Variants in PRKCZ observed in about 807,000 individuals in gnomAD.
The protein encoded by PRKCZ is protein kinase C zeta type.
Under a neutral mutation model 79.5 loss-of-function variants are expected in PRKCZ, and 33 were observed. That is an observed-to-expected ratio of 0.41 (90% CI 0.31 to 0.55). The LOEUF is 0.55. PRKCZ is among the 20% of genes least tolerant of loss of function. The probability of loss-of-function intolerance (pLI) is 0.19; values close to 1 mark genes in which losing one functional copy is unlikely to be tolerated. For synonymous variants in PRKCZ, 342 were observed against 320.9 expected (o/e 1.07, Z -0.70); for missense variants, 578 against 813.5 (o/e 0.71, Z 3.52).
At chr1:2,117,051 G>A (rs1670886619) in intron 4 of PRKCZ, among the ~76,000 whole-genome samples, 2 of 152,020 alleles carry the variant, frequency 1.3e-5, no homozygotes, top group African/African-American at 4.8e-5. Flanking sequence ...CTGGGCTCAA[G>A]CAATCCTCCC....
rs1222379119 is a variant in PRKCZ at position 2,168,093 on chromosome 1, T to A, written c.975-1425T>A. 6.6e-6 allele frequency among the ~76,000 whole-genome samples: 1 copy of A among 152,142 alleles called. No individual in the cohort carries two copies. The highest frequency in any genetic ancestry group is 1.9e-4 in the East Asian group (1 of 5,196). On this transcript the variant is annotated intron_variant, in intron 10 of 17. Transcript: ENST00000378567. This position sits in a 1 kb window ranked among gnomAD's most constrained non-coding sequence, Gnocchi z 4.7. The stretch of plus-strand genomic sequence containing the variant: ...TCGAGGGCACCCTCAGAGCTGCTCT[T>A]TCTGTCATTGCTATTTTGTTTATAC...
At chr1:2,074,370 C>T (rs1662001251) in intron 4 of PRKCZ, 1 of 1,505,426 alleles carries the variant, frequency 6.6e-7, no homozygotes, top group Admixed American at 2.0e-5. Flanking sequence ...GTCTGCCTGC[C>T]TGGCCCCAGG....
intron 15 of PRKCZ, 122 bp from the exon 16 acceptor site, chr1:2,175,102 C>T (rs746479775): frequency 5.9e-6 from 5 of 849,080 alleles, no homozygotes; most frequent in Non-Finnish European, 9.4e-6. Context: ...ATCTGATTTC[C>T]ACCACCTGGG....
intron 4 of PRKCZ, among the ~76,000 whole-genome samples, chr1:2,113,192 C>T (rs12049075): frequency 2.6e-5 from 4 of 152,342 alleles, no homozygotes; most frequent in South Asian, 2.1e-4. Flanking sequence ...TTCTGACTAG[C>T]GAGTACCTCG....
chr1:2,142,487 C>A, intron 5 of PRKCZ: 1 of 286,082 alleles, frequency 3.5e-6, no homozygotes, highest in South Asian at 2.7e-5. Context: ...AGGGTCCACA[C>A]ATCCAGCAGG....
intron 9 of PRKCZ, 75 bp downstream of exon 9, chr1:2,151,053 A>G: frequency 6.6e-7 from 1 of 1,519,968 alleles, no homozygotes; most frequent in South Asian, 1.2e-5. Context: ...CTTTAGCGGA[A>G]TTAATCCATG....
rs1319383899 is a variant in PRKCZ, at chr1:2,107,999, C to T, written c.335-27263C>T. On this transcript the variant is annotated intron_variant, in intron 4 of 17. Coordinates refer to ENST00000378567, the MANE Select transcript of PRKCZ (RefSeq NM_002744.6). Reference sequence around the variant, plus strand: ...ACAGTGTCAAGGGAGCCCCCCAACCCCGGCAGTGTCAAGGGAGCCTGCCTC... The same window carrying T: ...ACAGTGTCAAGGGAGCCCCCCAACCTCGGCAGTGTCAAGGGAGCCTGCCTC... 4.6e-5 allele frequency among the ~76,000 whole-genome samples: 7 copies of T among 152,250 alleles called. No homozygotes were observed. In the South Asian group the frequency reaches 1.2e-3, roughly 27 times the overall value.
chr1:2,161,394 C>T (rs917653427), intron 10 of PRKCZ, among the ~76,000 whole-genome samples: 11 of 152,236 alleles, frequency 7.2e-5, no homozygotes, highest in Admixed American at 5.9e-4. Context: ...TTTTGCATTG[C>T]GAGGGCGTCC....
chr1:2,094,775 C>T lies in PRKCZ; in HGVS notation c.334+35184C>T, dbSNP rs369576171. 4.6e-5 allele frequency among the ~76,000 whole-genome samples: 7 copies of T among 152,218 alleles called. No homozygotes were observed. Among genetic ancestry groups the T allele is most frequent in the Admixed American group, 2.6e-4 (4 of 15,290 alleles). ...GGCTCGTTGAACCTTGGGCGCTGCC[C>T]GTTCTGAGGCGTCTGCTGTGGCCCT... On this transcript the variant is annotated intron_variant, in intron 4 of 17. Coordinates refer to ENST00000378567, the MANE Select transcript of PRKCZ (RefSeq NM_002744.6). This position sits in a 1 kb window ranked among gnomAD's most constrained non-coding sequence, Gnocchi z 7.3.
At chr1:2,103,803 T>C (rs918374746) in intron 4 of PRKCZ, among the ~76,000 whole-genome samples, 1 of 151,912 alleles carries the variant, frequency 6.6e-6, no homozygotes, top group Admixed American at 6.6e-5. Context: ...GGGTGAGTGC[T>C]GGCCGCTCCC....
At chr1:2,056,097 G>A (rs761824901) in intron 2 of PRKCZ, among the ~76,000 whole-genome samples, 6 of 152,196 alleles carry the variant, frequency 3.9e-5, no homozygotes, top group Non-Finnish European at 5.9e-5. Context: ...CCCCCGTTGG[G>A]TTGGGTACAG....
At chr1:2,087,974 C>T (rs1205004098) in intron 4 of PRKCZ, among the ~76,000 whole-genome samples, 1 of 152,228 alleles carries the variant, frequency 6.6e-6, no homozygotes, top group African/African-American at 2.4e-5. Flanking sequence ...GCTGCTGGTG[C>T]CTGGCGCGTG....
At position 2,145,919 on chromosome 1, in the gene PRKCZ, T is replaced by TA. The variant is rs901590419; in HGVS notation, c.553-100dup. On this transcript the variant is annotated intron_variant, in intron 6 of 17. Transcript: ENST00000378567. ...TGATGACAGACTGTGACCCTGTCTGTAAAAAAAAGTTCTTAATTTTAAAAA... is the reference window on the plus strand; with the variant it reads ...TGATGACAGACTGTGACCCTGTCTGTAAAAAAAAAGTTCTTAATTTTAAAAA... 1.9e-4 allele frequency: 179 copies of TA among 937,514 alleles called. 1 individual carries two copies. The highest frequency in any genetic ancestry group is 3.0e-4 in the African/African-American group (18 of 60,608). 58.1% of individuals were successfully genotyped at this position (937,514 alleles called of 1,614,324 possible).
chr1:2,139,440 A>G (rs111340248), intron 5 of PRKCZ, among the ~76,000 whole-genome samples: 7,564 of 152,062 alleles, frequency 0.05, 586 homozygotes, highest in African/African-American at 0.17. Context: ...ATACAAAAAA[A>G]GTAGCCAGGC....
At chr1:2,124,711 C>A (rs1487492569) in intron 4 of PRKCZ, among the ~76,000 whole-genome samples, 2 of 152,110 alleles carry the variant, frequency 1.3e-5, no homozygotes, top group Non-Finnish European at 2.9e-5. Flanking sequence ...CCTGGTGGCC[C>A]TGAACCCCAG....
intron 4 of PRKCZ, among the ~76,000 whole-genome samples, chr1:2,092,594 G>C (rs1055425024): frequency 3.3e-5 from 5 of 152,196 alleles, no homozygotes; most frequent in African/African-American, 9.6e-5. Context: ...CCGTGGGTTT[G>C]TTTAAGGTAT....
At chr1:2,148,488 C>T (rs969401323) in intron 7 of PRKCZ, among the ~76,000 whole-genome samples, 3 of 152,266 alleles carry the variant, frequency 2.0e-5, no homozygotes, top group African/African-American at 4.8e-5. Context: ...TGTGCACTGA[C>T]CTCTCCATCT....
intron 10 of PRKCZ, among the ~76,000 whole-genome samples, chr1:2,160,238 C>CGCGCGCGTGTGT (rs71578361): frequency 4.8e-4 from 71 of 146,464 alleles, no homozygotes; most frequent in Middle Eastern, 3.5e-3. Context: ...CAGCAGTGTG[C>CGCGCGCGTGTGT]GTGTGTGTGT....
intron 10 of PRKCZ, among the ~76,000 whole-genome samples, chr1:2,160,843 A>ACGCCC (rs1294238392): frequency 4.0e-5 from 6 of 151,592 alleles, no homozygotes; most frequent in African/African-American, 1.5e-4. Context: ...TGGGATGGAG[A>ACGCCC]CGCCCCGCCC....
Sources: allele counts gnomAD v4.1 joint callset (sites outside exome capture counted in the v4.1 genomes callset), GRCh38; gene constraint gnomAD v4.1.1; non-coding constraint Gnocchi (gnomAD v3.1); transcripts MANE v1.5; gene names NCBI Gene and HGNC (gene_info 2026-07-23, HGNC 2026-07-21).